Variants in MLLT3 observed in about 807,000 individuals in gnomAD.
MLLT3 encodes MLLT3 super elongation complex subunit, also known as protein AF-9.
A neutral mutation model predicts 53.2 loss-of-function variants in MLLT3; 4 were observed. The ratio of observed to expected loss-of-function variants is 0.08; its 90% CI spans 0.04 to 0.17. The LOEUF (loss-of-function observed/expected upper bound fraction) is 0.17, where lower values mean the gene tolerates loss of function less well. Ranked by LOEUF, MLLT3 falls within the 10% of genes least tolerant of loss-of-function variation. The pLI is 1.00. For synonymous variants in MLLT3, 283 were observed against 230.6 expected, an observed-to-expected ratio of 1.23 and a Z score of -2.06; for missense variants, 569 against 684.0, an observed-to-expected ratio of 0.83 and a Z score of 1.87.
At chr9:20,497,414 TC>T (rs912873043) in intron 2 of MLLT3, among the ~76,000 whole-genome samples, 1 of 152,168 alleles carries the variant, frequency 6.6e-6, no homozygotes, top group African/African-American at 2.4e-5. Flanking sequence ...CTAAAAGTTT[TC>T]CCCGACCTTC....
At chr9:20,588,527 G>C (rs1820040267) in intron 2 of MLLT3, among the ~76,000 whole-genome samples, 1 of 152,102 alleles carries the variant, frequency 6.6e-6, no homozygotes, top group African/African-American at 2.4e-5. Flanking sequence ...TTGAGCAGCG[G>C]TTTGTAGTTC....
intron 2 of MLLT3, among the ~76,000 whole-genome samples, chr9:20,478,484 T>C (rs1408968615): frequency 1.3e-5 from 2 of 152,070 alleles, no homozygotes; most frequent in Admixed American, 6.6e-5. Context: ...ACATGGCTGG[T>C]GAACTGCAGA....
chr9:20,354,340 A>G (rs1475654005), intron 9 of MLLT3, among the ~76,000 whole-genome samples: 2 of 152,236 alleles, frequency 1.3e-5, no homozygotes, highest in African/African-American at 4.8e-5. Context: ...AAGATTTGTG[A>G]AACATTACAG....
chr9:20,490,766 C>T (rs1490754477), intron 2 of MLLT3, among the ~76,000 whole-genome samples: 1 of 152,210 alleles, frequency 6.6e-6, no homozygotes, highest in African/African-American at 2.4e-5. Flanking sequence ...TATTTGGACA[C>T]AGGAACCCAT....
intron 2 of MLLT3, among the ~76,000 whole-genome samples, chr9:20,492,198 T>A (rs1338634441): frequency 1.3e-5 from 2 of 152,064 alleles, no homozygotes; most frequent in Admixed American, 6.6e-5. Context: ...ATATCATTTA[T>A]TTGCAGGTGT....
chr9:20,343,796 G>A lies in MLLT3; in HGVS notation c.*2647C>T. The stretch of plus-strand genomic sequence containing the variant: ...GCTTAAGAAACCAGAGCCACTGTTA[G>A]GGTACTCACATGTCAAAGATATTCT... On this transcript the variant is annotated 3_prime_UTR_variant, in exon 11 of 11. Coordinates refer to ENST00000380338, the MANE Select transcript of MLLT3 (RefSeq NM_004529.4). The A allele has an allele frequency of 4.7e-6, 1 of 213,240 alleles. No individual in the cohort carries two copies. Among genetic ancestry groups the A allele is most frequent in the Non-Finnish European group, 9.5e-6 (1 of 105,520 alleles). 13.2% of individuals were successfully genotyped at this position (213,240 alleles called of 1,614,324 possible). A position where few individuals can be genotyped will look rare whatever the true frequency, so the allele number is the denominator to read the frequency against.
intron 10 of MLLT3, among the ~76,000 whole-genome samples, chr9:20,350,779 T>C (rs1428588856): frequency 6.6e-6 from 1 of 152,124 alleles, no homozygotes; most frequent in Non-Finnish European, 1.5e-5. Flanking sequence ...TCATTTTGTT[T>C]TAAACAGGGT....
chr9:20,492,444 A>C (rs908844693), intron 2 of MLLT3, among the ~76,000 whole-genome samples: 1 of 152,010 alleles, frequency 6.6e-6, no homozygotes, highest in African/African-American at 2.4e-5. Context: ...CTTTACATGC[A>C]TTTATATGTT....
chr9:20,556,502 G>A (rs558864514), intron 2 of MLLT3, among the ~76,000 whole-genome samples: 3 of 152,194 alleles, frequency 2.0e-5, no homozygotes, highest in East Asian at 3.9e-4. Context: ...GGCCAACAAG[G>A]TGAAACCCCA....
chr9:20,402,236 A>C (rs186531008), intron 5 of MLLT3, among the ~76,000 whole-genome samples: 1 of 152,318 alleles, frequency 6.6e-6, no homozygotes, highest in East Asian at 1.9e-4. Flanking sequence ...GCACTAGTGA[A>C]CTTTTCCAGC....
intron 3 of MLLT3, among the ~76,000 whole-genome samples, chr9:20,451,435 G>A (rs559906481): frequency 5.3e-5 from 8 of 152,196 alleles, no homozygotes; most frequent in East Asian, 3.9e-4. Context: ...GTCTACAACA[G>A]TCTAAAACAG....
intron 4 of MLLT3, among the ~76,000 whole-genome samples, chr9:20,436,654 A>G (rs954900201): frequency 3.9e-5 from 6 of 152,202 alleles, no homozygotes; most frequent in Non-Finnish European, 5.9e-5. Flanking sequence ...AGAATATGCA[A>G]GAACAATGAA....
At chr9:20,392,165 A>G (rs1265844810) in intron 5 of MLLT3, among the ~76,000 whole-genome samples, 2 of 152,160 alleles carry the variant, frequency 1.3e-5, no homozygotes, top group African/African-American at 4.8e-5. Context: ...ACACTCTAAG[A>G]AACTTCTAAG....
Position 20,614,641 on chromosome 9 carries a change from G to GA in MLLT3, c.193+6012dup, listed in dbSNP as rs11358985. On this transcript the variant is annotated intron_variant, in intron 2 of 10. Transcript: ENST00000380338. ...ACAATGAACAAATATCTACAAATTA[G>GA]AAAAAAAAAACATTTCATTTGTTTA... Among the ~76,000 whole-genome samples, 12 of 150,932 alleles carry GA rather than the reference G, an allele frequency of 8.0e-5. No individual in the cohort carries two copies. The Middle Eastern group carries it at 0.017, about 214-fold the overall frequency.
chr9:20,576,778 G>A (rs1283849939), intron 2 of MLLT3, among the ~76,000 whole-genome samples: 1 of 152,138 alleles, frequency 6.6e-6, no homozygotes, highest in Non-Finnish European at 1.5e-5. Flanking sequence ...GTGAACACAT[G>A]CTGTTGGAGA....
intron 2 of MLLT3, among the ~76,000 whole-genome samples, chr9:20,511,149 C>T (rs1199317631): frequency 6.6e-6 from 1 of 151,612 alleles, no homozygotes. Context: ...TCTATTAGAG[C>T]CTAATACTAG....
At chr9:20,549,104 C>G (rs1045430287) in intron 2 of MLLT3, among the ~76,000 whole-genome samples, 1 of 152,176 alleles carries the variant, frequency 6.6e-6, no homozygotes, top group Non-Finnish European at 1.5e-5. Context: ...CATTAGCCAT[C>G]ACGCCCTGCC....
intron 2 of MLLT3, among the ~76,000 whole-genome samples, chr9:20,520,954 C>T (rs1040750161): frequency 3.3e-5 from 5 of 152,262 alleles, no homozygotes; most frequent in Non-Finnish European, 7.4e-5. Context: ...GGCAGGATTT[C>T]TTCTAAGACA....
At chr9:20,433,713 G>A (rs1422870516) in intron 4 of MLLT3, among the ~76,000 whole-genome samples, 1 of 152,054 alleles carries the variant, frequency 6.6e-6, no homozygotes, top group Non-Finnish European at 1.5e-5. Context: ...AAATCTTCAA[G>A]TTCATGAAAG....
Sources: allele counts gnomAD v4.1 joint callset (sites outside exome capture counted in the v4.1 genomes callset), GRCh38; gene constraint gnomAD v4.1.1; transcripts MANE v1.5; gene names NCBI Gene and HGNC (gene_info 2026-07-23, HGNC 2026-07-21).